Variants in VIL1 observed in about 807,000 individuals in gnomAD.
VIL1 encodes villin-1.
VIL1 carries 86 observed loss-of-function variants against 104.0 expected under a neutral mutation model. That is an observed-to-expected ratio of 0.83 (90% CI 0.69 to 0.99). VIL1 has a LOEUF of 0.99. Among genes scored for constraint, VIL1 ranks in the 50% least tolerant of loss-of-function variants. The probability of loss-of-function intolerance (pLI) is 0.00; values close to 1 mark genes in which losing one functional copy is unlikely to be tolerated. For synonymous variants in VIL1, 394 were observed against 412.6 expected, an observed-to-expected ratio of 0.95 and a Z score of 0.55; for missense variants, 944 against 1,054.1, an observed-to-expected ratio of 0.90 and a Z score of 1.45.
rs140919034 is a variant in VIL1 at position 218,434,597 on chromosome 2, C to T, written c.1572C>T (p.Gly524=). 6.1e-5 allele frequency: 98 copies of T among 1,614,012 alleles called. No homozygotes were observed. Among genetic ancestry groups the T allele is most frequent in the East Asian group, 2.9e-4 (13 of 44,894 alleles). Residue 524 remains glycine (G), a synonymous_variant, in exon 14 of 20, where the codon GGC becomes GGT. Coordinates refer to ENST00000248444, the MANE Select transcript of VIL1 (RefSeq NM_007127.3). Reference sequence around the variant, plus strand: ...GGCTGTTCCAGGTCCAGGGAACTGGCGCCAACAACACCAAGGCCTTTGAGG... The same window carrying T: ...GGCTGTTCCAGGTCCAGGGAACTGGTGCCAACAACACCAAGGCCTTTGAGG... ...STRLFQVQGT[G]ANNTKAFEVP...
At chr2:218,438,921 T>C (rs1236093573) in intron 18 of VIL1, among the ~76,000 whole-genome samples, 195 bp downstream of exon 18, 1 of 136,590 alleles carries the variant, frequency 7.3e-6, no homozygotes, top group Non-Finnish European at 1.5e-5. Context: ...GTGAAATGGT[T>C]CTCAATTTTT....
chr2:218,440,576 G>A (rs1447846968), intron 18 of VIL1, 146 bp from the exon 19 acceptor site: 4 of 961,394 alleles, frequency 4.2e-6, no homozygotes, highest in Non-Finnish European at 6.2e-6. Flanking sequence ...AGCCTATGTT[G>A]TTCTTATGAG....
intron 17 of VIL1, 111 bp from the exon 18 acceptor site, chr2:218,438,547 C>A: frequency 1.0e-6 from 1 of 1,004,120 alleles, no homozygotes; most frequent in Non-Finnish European, 1.5e-6. Context: ...TCTTTCCTTT[C>A]TTACCACTAG....
intron 4 of VIL1, among the ~76,000 whole-genome samples, chr2:218,426,162 A>G (rs1015496666): frequency 1.3e-5 from 2 of 152,186 alleles, no homozygotes; most frequent in African/African-American, 4.8e-5. Flanking sequence ...TGCCTAATCA[A>G]GCCCCCCAAC....
chr2:218,443,240 C>A (rs564938612), intron 19 of VIL1, among the ~76,000 whole-genome samples: 5 of 151,400 alleles, frequency 3.3e-5, no homozygotes, highest in Non-Finnish European at 7.4e-5. Context: ...GCTCTGTCGC[C>A]CAGGCTGGAG....
At chr2:218,437,005 T>C (rs1244682169) in intron 16 of VIL1, 119 bp from the exon 17 acceptor site, 10 of 1,224,086 alleles carry the variant, frequency 8.2e-6, no homozygotes, top group Non-Finnish European at 1.2e-5. Flanking sequence ...CTAGGTCATT[T>C]GGCTGGTAGT....
chr2:218,449,971 T>C lies in VIL1; in HGVS notation c.*635T>C, dbSNP rs774063060. ...CTTCACTCCCTCTCCCAACCCTTAA[T>C]AATGAGGCAAAGCAAGAGCCTAGTG... On this transcript the variant is annotated 3_prime_UTR_variant, in exon 20 of 20. Transcript: ENST00000248444. 1 of 152,284 alleles carries C rather than the reference T, an allele frequency of 6.6e-6. No homozygotes were observed. The highest frequency in any genetic ancestry group is 2.1e-4 in the South Asian group (1 of 4,832). The allele number at this position is 152,284 out of a possible 1,614,324, so 9.4% of individuals were successfully genotyped here.
intron 19 of VIL1, among the ~76,000 whole-genome samples, chr2:218,445,147 C>T (rs546822491): frequency 2.0e-5 from 3 of 152,268 alleles, no homozygotes; most frequent in Admixed American, 1.3e-4. Flanking sequence ...GCCTGTAATC[C>T]CAGGCACTTT....
chr2:218,449,417 A>G lies in VIL1; in HGVS notation c.*81A>G. On this transcript the variant is annotated 3_prime_UTR_variant, in exon 20 of 20. Coordinates refer to ENST00000248444, the MANE Select transcript of VIL1 (RefSeq NM_007127.3). ...TCTCACCGATATTAGTCCTACACCAATTGAAGTGAAATTTTGCAGATGTGC... is the reference window on the plus strand; with the variant it reads ...TCTCACCGATATTAGTCCTACACCAGTTGAAGTGAAATTTTGCAGATGTGC... 2.5e-6 allele frequency: 3 copies of G among 1,203,000 alleles called. No individual in the cohort carries two copies. Among genetic ancestry groups the G allele is most frequent in the Middle Eastern group, 1.9e-4 (1 of 5,164 alleles). 74.5% of individuals were successfully genotyped at this position (1,203,000 alleles called of 1,614,324 possible). A position where few individuals can be genotyped will look rare whatever the true frequency, so the allele number is the denominator to read the frequency against.
intron 19 of VIL1, among the ~76,000 whole-genome samples, chr2:218,448,269 CA>C (rs1689398809): frequency 6.7e-6 from 1 of 150,160 alleles, no homozygotes; most frequent in Non-Finnish European, 1.5e-5. Flanking sequence ...AAAAACAAAA[CA>C]ACAAAAAACA....
chr2:218,433,181 A>G (rs1023427329), intron 13 of VIL1, among the ~76,000 whole-genome samples: 1 of 152,254 alleles, frequency 6.6e-6, no homozygotes, highest in Non-Finnish European at 1.5e-5. Flanking sequence ...CACGCCTGCA[A>G]TCCCAGCACT....
intron 1 of VIL1, among the ~76,000 whole-genome samples, chr2:218,420,613 T>C (rs1463077270): frequency 2.2e-5 from 3 of 136,564 alleles, no homozygotes; most frequent in African/African-American, 8.1e-5. Context: ...TGAGAAGGAG[T>C]CTCACTCTTT....
chr2:218,443,342 C>A (rs77896791), intron 19 of VIL1, among the ~76,000 whole-genome samples: 1 of 151,676 alleles, frequency 6.6e-6, no homozygotes, highest in African/African-American at 2.4e-5. Context: ...GGATTACATC[C>A]GCACACCACC....
Position 218,436,483 on chromosome 2 carries a change from C to T in VIL1, c.1828C>T (p.Leu610=), listed in dbSNP as rs1465469713. 1.2e-6 allele frequency: 2 copies of T among 1,613,568 alleles called. No homozygotes were observed. The highest frequency in any genetic ancestry group is 1.3e-5 in the African/African-American group (1 of 74,902). Residue 610 remains leucine, a splice_region_variant and synonymous_variant, in exon 16 of 20, where the codon CTA becomes TTA. Coordinates refer to ENST00000248444, the MANE Select transcript of VIL1 (RefSeq NM_007127.3). ...GKAPYANTKR[L]QEENLVITPR... ...TACAATCTTCTCTCCATCCTGCAGACTACAGGAAGAAAACCTGGTCATCAC... is the reference window on the plus strand; with the variant it reads ...TACAATCTTCTCTCCATCCTGCAGATTACAGGAAGAAAACCTGGTCATCAC...
intron 13 of VIL1, 76 bp from the exon 14 acceptor site, chr2:218,434,450 C>T: frequency 6.9e-7 from 1 of 1,459,680 alleles, no homozygotes; most frequent in Non-Finnish European, 9.3e-7. Context: ...CCTACCCTAT[C>T]CCCCTCTGTT....
chr2:218,435,447 T>C lies in VIL1; in HGVS notation c.1826+13T>C. ...CCAACACCAAGAGGTAACTCTCAGG[T>C]CCCTCCGCCTCCAGGTTACCAAGGT... On this transcript the variant is annotated intron_variant, in intron 15 of 19. Transcript: ENST00000248444. The C allele has an allele frequency of 6.2e-7, 1 of 1,611,584 alleles. No homozygotes were observed. The highest frequency in any genetic ancestry group is 1.7e-4 in the Middle Eastern group (1 of 6,040).
Position 218,429,355 on chromosome 2 carries a change from G to A in VIL1, c.638G>A (p.Gly213Glu). ...GGRTYVGVVDGENELASPKLM... is the reference protein window; with the variant it reads ...GGRTYVGVVDEENELASPKLM... ...CGCACCTATGTAGGCGTGGTGGACG[G>A]AGAGAATGAATTGGCATCCCCGAAG... Residue 213 changes from glycine to glutamate, a missense_variant, in exon 7 of 20, where the codon GGA (glycine) becomes GAA (glutamate). By Grantham distance (98) the Gly-to-Glu change is moderately conservative. Coordinates refer to ENST00000248444, the MANE Select transcript of VIL1 (RefSeq NM_007127.3). 6.2e-7 allele frequency: 1 copy of A among 1,614,164 alleles called. No homozygotes were observed. Among genetic ancestry groups the A allele is most frequent in the Non-Finnish European group, 8.5e-7 (1 of 1,180,040 alleles).
In VIL1 at chr2:218,452,586, T is replaced by A. The variant is rs1321573973; in HGVS notation, c.*3250T>A. The A allele has an allele frequency of 1.3e-5, 2 of 152,126 alleles. No individual in the cohort carries two copies. Among genetic ancestry groups the A allele is most frequent in the Non-Finnish European group, 2.9e-5 (2 of 68,034 alleles). The allele number at this position is 152,126 out of a possible 1,614,324, so 9.4% of individuals were successfully genotyped here. On this transcript the variant is annotated 3_prime_UTR_variant, in exon 20 of 20. Transcript: ENST00000248444. ...GCAAGTACATGAGCAGTGAGATAAC[T>A]TATATATTCCAATAACCTATTTTCA...
chr2:218,442,795 C>T (rs907927477), intron 19 of VIL1, among the ~76,000 whole-genome samples: 1 of 152,162 alleles, frequency 6.6e-6, no homozygotes, highest in Non-Finnish European at 1.5e-5. Context: ...CCTAGTTTCT[C>T]TCTCAGAACA....
Sources: allele counts gnomAD v4.1 joint callset (sites outside exome capture counted in the v4.1 genomes callset), GRCh38; gene constraint gnomAD v4.1.1; transcripts MANE v1.5; gene names NCBI Gene and HGNC (gene_info 2026-07-23, HGNC 2026-07-21).